TPX2: variants seen among roughly 807,000 people sequenced by gnomAD.
The protein encoded by TPX2 is targeting protein for Xklp2.
A neutral mutation model predicts 93.6 loss-of-function variants in TPX2; 21 were observed. The observed-to-expected ratio is 0.22, with a 90% CI of 0.16 to 0.32. The LOEUF is 0.32. Ranked by LOEUF, TPX2 falls within the 10% of genes least tolerant of loss-of-function variation. TPX2 has a pLI of 1.00. For missense variants in TPX2, 776 were observed against 871.1 expected (o/e 0.89, Z 1.37); for synonymous variants, 281 against 298.3 (o/e 0.94, Z 0.60).
Position 31,784,653 on chromosome 20 carries a change from T to C in TPX2, c.1413+732T>C, listed in dbSNP as rs75727195. 4.1e-3 allele frequency among the ~76,000 whole-genome samples: 625 copies of C among 152,274 alleles called. 17 individuals carry two copies. The East Asian group carries it at 0.079, about 19-fold the overall frequency. On this transcript the variant is annotated intron_variant, in intron 12 of 17. Coordinates refer to ENST00000300403, the MANE Select transcript of TPX2 (RefSeq NM_012112.5). The stretch of plus-strand genomic sequence containing the variant: ...ACGGTGGGAAACAAGAAGCTTCTAC[T>C]GGGAGCTGTTAGTGGGTCAGTTAAG...
At chr20:31,741,818 T>C (rs2061755246) in intron 1 of TPX2, among the ~76,000 whole-genome samples, 1 of 152,062 alleles carries the variant, frequency 6.6e-6, no homozygotes, top group African/African-American at 2.4e-5. Context: ...TTTCACCACG[T>C]TGGCCAGGCT....
intron 12 of TPX2, among the ~76,000 whole-genome samples, chr20:31,791,744 G>T (rs1371996222): frequency 2.6e-5 from 4 of 152,226 alleles, no homozygotes; most frequent in Middle Eastern, 3.2e-3. Flanking sequence ...GTCTGGCAAT[G>T]AAACTTTAGG....
Position 31,762,428 on chromosome 20 carries a change from C to A in TPX2, c.229+2249C>A, listed in dbSNP as rs372776227. Among the ~76,000 whole-genome samples, 28 of 152,292 alleles carry A rather than the reference C, an allele frequency of 1.8e-4. No homozygotes were observed. The East Asian group carries it at 2.3e-3, about 13-fold the overall frequency. On this transcript the variant is annotated intron_variant, in intron 4 of 17. Transcript: ENST00000300403. ...GCAGTAGTACGATCTCGGCTCACTG[C>A]AACCTCCGCCTCCCGGGTTCAAGTG... is the stretch of plus-strand genomic sequence containing the variant.
intron 5 of TPX2, 144 bp downstream of exon 5, chr20:31,766,826 T>A: frequency 1.1e-6 from 1 of 884,992 alleles, no homozygotes; most frequent in Non-Finnish European, 1.5e-6. Context: ...TGAGACGGAG[T>A]GTTTCGCTCT....
intron 12 of TPX2, among the ~76,000 whole-genome samples, chr20:31,789,682 C>A (rs1046395521): frequency 8.6e-5 from 13 of 151,940 alleles, no homozygotes; most frequent in African/African-American, 3.1e-4. Flanking sequence ...TCTAATCGAG[C>A]CCCTAGTTAA....
intron 2 of TPX2, among the ~76,000 whole-genome samples, chr20:31,753,564 C>G (rs2061832950): frequency 6.6e-6 from 1 of 151,948 alleles, no homozygotes; most frequent in Non-Finnish European, 1.5e-5. Context: ...ATCAAAGTTT[C>G]CTCCCAATTC....
At position 31,770,424 on chromosome 20, in the gene TPX2, C is replaced by A; in HGVS notation, c.438C>A (p.Ala146=). 1 of 1,604,124 alleles carries A rather than the reference C, an allele frequency of 6.2e-7. No individual in the cohort carries two copies. The highest frequency in any genetic ancestry group is 1.1e-5 in the South Asian group (1 of 89,184). ...HHVKMKAKRC[A]TPVIIDEILP... ...TAAAAATGAAAGCCAAGAGATGTGC[C>A]ACTCCTGTAATCATCGATGAAATTC... Residue 146 remains alanine (A), a synonymous_variant, in exon 6 of 18, where the codon GCC becomes GCA. Transcript: ENST00000300403.
At chr20:31,782,928 ACAC>A in intron 11 of TPX2, among the ~76,000 whole-genome samples, 1 of 148,052 alleles carries the variant, frequency 6.8e-6, no homozygotes, top group Non-Finnish European at 1.5e-5. Flanking sequence ...ACACACACAC[ACAC>A]AAAATCTAAT....
intron 2 of TPX2, among the ~76,000 whole-genome samples, chr20:31,744,142 TTTG>T (rs2061769910): frequency 6.6e-6 from 1 of 150,850 alleles, no homozygotes; most frequent in Admixed American, 6.6e-5. Flanking sequence ...ACTAAAAACT[TTTG>T]TTAATTTTTT....
intron 2 of TPX2, among the ~76,000 whole-genome samples, chr20:31,756,931 A>G (rs2061856007): frequency 6.6e-6 from 1 of 151,774 alleles, no homozygotes; most frequent in Non-Finnish European, 1.5e-5. Context: ...CTGGCCTAAA[A>G]TTTATTTTTA....
intron 2 of TPX2, among the ~76,000 whole-genome samples, chr20:31,742,855 A>G (rs1367030695): frequency 6.6e-6 from 1 of 152,156 alleles, no homozygotes; most frequent in East Asian, 1.9e-4. Flanking sequence ...ATTTTTTTCT[A>G]TGTCTATATA....
In TPX2 at chr20:31,778,868, A is replaced by G. The variant is rs1568595841; in HGVS notation, c.938A>G (p.Lys313Arg). 1 of 1,611,752 alleles carries G rather than the reference A, an allele frequency of 6.2e-7. No individual in the cohort carries two copies. Among genetic ancestry groups the G allele is most frequent in the African/African-American group, 1.3e-5 (1 of 74,834 alleles). ...IVKPFNLSQG[K>R]KRTFDETVST... ...AAGCCTTTCAACCTGTCCCAAGGAA[A>G]GAAAAGAACATTTGATGAAACAGTT... The change falls in exon 10 of 18, where the codon AAG becomes AGG. Residue 313 changes from lysine (K) to arginine (R), a missense_variant. Physicochemically the swap from Lys to Arg is conservative, Grantham distance 26. Coordinates refer to ENST00000300403, the MANE Select transcript of TPX2 (RefSeq NM_012112.5).
intron 17 of TPX2, among the ~76,000 whole-genome samples, 162 bp from the exon 18 acceptor site, chr20:31,800,808 A>G (rs2068937335): frequency 6.6e-6 from 1 of 152,206 alleles, no homozygotes; most frequent in African/African-American, 2.4e-5. Context: ...ACACTTTTCC[A>G]TCATACCGTG....
chr20:31,770,131 C>T (rs192790727), intron 5 of TPX2, among the ~76,000 whole-genome samples: 2 of 152,174 alleles, frequency 1.3e-5, no homozygotes, highest in East Asian at 3.9e-4. Flanking sequence ...TTATTGAGGT[C>T]ACATTTATAG....
chr20:31,791,080 G>A (rs752390611), intron 12 of TPX2, among the ~76,000 whole-genome samples: 2 of 152,090 alleles, frequency 1.3e-5, no homozygotes, highest in Non-Finnish European at 1.5e-5. Context: ...TTTGGGGAGC[G>A]ATCAGTAGTT....
chr20:31,768,743 A>G (rs2061944988), intron 5 of TPX2, among the ~76,000 whole-genome samples: 1 of 152,224 alleles, frequency 6.6e-6, no homozygotes, highest in Non-Finnish European at 1.5e-5. Context: ...TTACAAATCA[A>G]TTAGTAAAGA....
intron 8 of TPX2, 94 bp from the exon 9 acceptor site, chr20:31,777,393 G>T: frequency 6.9e-7 from 1 of 1,457,214 alleles, no homozygotes; most frequent in Non-Finnish European, 9.3e-7. Context: ...TAGATCCATG[G>T]TGACAGAAAT....
chr20:31,752,997 C>A lies in TPX2; in HGVS notation c.-70-4410C>A, dbSNP rs181344518. 2.6e-5 allele frequency among the ~76,000 whole-genome samples: 4 copies of A among 152,180 alleles called. No individual in the cohort carries two copies. The East Asian group carries it at 7.7e-4, about 29-fold the overall frequency. On this transcript the variant is annotated intron_variant, in intron 2 of 17. Coordinates refer to ENST00000300403, the MANE Select transcript of TPX2 (RefSeq NM_012112.5). ...ACATTCAAGGGCACACAGCTTATGG[C>A]CCCTAGCAAGTACACACTATTGTGA...
At position 31,801,700 on chromosome 20, in the gene TPX2, T is replaced by G. The variant is rs2062173193; in HGVS notation, c.*620T>G. ...CAGCAGGCTCTGGGTGGGGCTGCCG[T>G]TAAGGCACGTTCTTTCCTTACTGGT... On this transcript the variant is annotated 3_prime_UTR_variant, in exon 18 of 18. Transcript: ENST00000300403. The G allele has an allele frequency of 6.6e-6, 1 of 152,250 alleles. No individual in the cohort carries two copies. The highest frequency in any genetic ancestry group is 2.1e-4 in the South Asian group (1 of 4,832). 9.4% of individuals were successfully genotyped at this position (152,250 alleles called of 1,614,324 possible).
Sources: allele counts gnomAD v4.1 joint callset (sites outside exome capture counted in the v4.1 genomes callset), GRCh38; gene constraint gnomAD v4.1.1; transcripts MANE v1.5; gene names NCBI Gene and HGNC (gene_info 2026-07-23, HGNC 2026-07-21).